SORCS3: variants seen among roughly 807,000 people sequenced by gnomAD.
SORCS3 encodes the protein VPS10 domain-containing receptor SorCS3.
Under a neutral mutation model 146.3 loss-of-function variants are expected in SORCS3, and 57 were observed. That is an observed-to-expected ratio of 0.39 (90% CI 0.31 to 0.49). The LOEUF (loss-of-function observed/expected upper bound fraction) is 0.49. Ranked by LOEUF, SORCS3 falls within the 20% of genes least tolerant of loss-of-function variation. SORCS3 has a pLI of 0.92. For synonymous variants in SORCS3, 653 were observed against 618.5 expected (o/e 1.06, Z -0.83); for missense variants, 1,341 against 1,575.5 (o/e 0.85, Z 2.52).
chr10:105,229,626 A>G (rs982466945), intron 20 of SORCS3, among the ~76,000 whole-genome samples: 1 of 152,178 alleles, frequency 6.6e-6, no homozygotes, highest in African/African-American at 2.4e-5. Context: ...CTTAAATAGA[A>G]TCAGTGGCAG....
chr10:105,227,982 AT>A, intron 20 of SORCS3, among the ~76,000 whole-genome samples: 1 of 99,892 alleles, frequency 1.0e-5, no homozygotes, highest in South Asian at 3.4e-4. Flanking sequence ...TATTGTGGTC[AT>A]TTTGTGTGTG....
At chr10:105,255,888 C>G (rs1456696216) in intron 24 of SORCS3, 87 bp downstream of exon 24, 1 of 1,092,056 alleles carries the variant, frequency 9.2e-7, no homozygotes, top group Non-Finnish European at 1.4e-6. Context: ...AACCCTGCTG[C>G]ATAATGTCTG....
At chr10:104,717,576 G>A (rs1437932746) in intron 1 of SORCS3, among the ~76,000 whole-genome samples, 4 of 151,978 alleles carry the variant, frequency 2.6e-5, no homozygotes, top group Non-Finnish European at 2.9e-5. Context: ...GTTTATGAGT[G>A]TCTTCTCCCT....
intron 11 of SORCS3, among the ~76,000 whole-genome samples, chr10:105,160,895 C>G (rs956582676): frequency 6.6e-6 from 1 of 152,102 alleles, no homozygotes; most frequent in East Asian, 1.9e-4. Flanking sequence ...TTTTTAAACT[C>G]TGAGCTTCAT....
intron 4 of SORCS3, among the ~76,000 whole-genome samples, chr10:105,038,442 T>C (rs1452301240): frequency 6.6e-6 from 1 of 152,204 alleles, no homozygotes; most frequent in East Asian, 1.9e-4. Context: ...CTTTATCTAA[T>C]TCCAGTTTCC....
At chr10:105,071,791 AC>A (rs1345093845) in intron 5 of SORCS3, among the ~76,000 whole-genome samples, 2 of 152,076 alleles carry the variant, frequency 1.3e-5, no homozygotes, top group African/African-American at 4.8e-5. Context: ...ATTTTTTTGT[AC>A]CCACAAAGCT....
intron 6 of SORCS3, among the ~76,000 whole-genome samples, chr10:105,102,508 A>G (rs2055792035): frequency 6.6e-6 from 1 of 152,166 alleles, no homozygotes; most frequent in African/African-American, 2.4e-5. Context: ...AAAGGGAGCA[A>G]CAGACACCAG....
chr10:104,962,425 G>A (rs1308829302), intron 3 of SORCS3, among the ~76,000 whole-genome samples: 1 of 152,172 alleles, frequency 6.6e-6, no homozygotes, highest in Non-Finnish European at 1.5e-5. Context: ...TTCCATATCA[G>A]AGCTGGGCTG....
intron 14 of SORCS3, among the ~76,000 whole-genome samples, chr10:105,187,417 T>G (rs2119584096): frequency 6.6e-6 from 1 of 152,216 alleles, no homozygotes. Flanking sequence ...CCTTTACCAC[T>G]AATCCCATCT....
At chr10:104,731,153 C>T (rs896614470) in intron 1 of SORCS3, among the ~76,000 whole-genome samples, 1 of 152,196 alleles carries the variant, frequency 6.6e-6, no homozygotes, top group African/African-American at 2.4e-5. Context: ...AGCCCGCATT[C>T]CCTTGCCTAG....
At chr10:104,671,715 T>C (rs1421422933) in intron 1 of SORCS3, among the ~76,000 whole-genome samples, 1 of 152,078 alleles carries the variant, frequency 6.6e-6, no homozygotes, top group Non-Finnish European at 1.5e-5. Context: ...AAATGCTTTT[T>C]CTGCATCAAC....
At chr10:104,744,676 C>T (rs2016887064) in intron 1 of SORCS3, among the ~76,000 whole-genome samples, 1 of 152,192 alleles carries the variant, frequency 6.6e-6, no homozygotes, top group Non-Finnish European at 1.5e-5. Flanking sequence ...TTTCCTCCCA[C>T]ACTGATGCTA....
intron 2 of SORCS3, among the ~76,000 whole-genome samples, chr10:104,848,715 A>G (rs2018236131): frequency 6.6e-6 from 1 of 152,180 alleles, no homozygotes; most frequent in East Asian, 1.9e-4. Context: ...AATCTGGTGG[A>G]AACTCCTGAA....
chr10:104,991,790 C>T (rs2054996154), intron 4 of SORCS3, among the ~76,000 whole-genome samples: 1 of 152,204 alleles, frequency 6.6e-6, no homozygotes, highest in South Asian at 2.1e-4. Flanking sequence ...TGAGCCACTG[C>T]ACCTGGCCGA....
chr10:105,252,110 C>G (rs2119752897), intron 22 of SORCS3, among the ~76,000 whole-genome samples: 1 of 151,972 alleles, frequency 6.6e-6, no homozygotes, highest in South Asian at 2.1e-4. Context: ...GTGTTTTTTC[C>G]TGCATATGGC....
At chr10:104,955,974 CCA>C (rs764849667) in intron 3 of SORCS3, among the ~76,000 whole-genome samples, 7 of 152,146 alleles carry the variant, frequency 4.6e-5, no homozygotes, top group Non-Finnish European at 8.8e-5. Flanking sequence ...GAGGAAGAAT[CCA>C]CAGAGCTTTC....
intron 20 of SORCS3, among the ~76,000 whole-genome samples, chr10:105,242,846 ATATATAAATTATATATATAT>A (rs2056842575): frequency 9.6e-6 from 1 of 104,020 alleles, no homozygotes; most frequent in Non-Finnish European, 1.7e-5. Context: ...ATATATTTTT[ATATATAAATTATATATATAT>A]TTTTATATAT....
intron 1 of SORCS3, among the ~76,000 whole-genome samples, chr10:104,730,807 G>C (rs375052776): frequency 2.6e-5 from 4 of 152,210 alleles, no homozygotes; most frequent in East Asian, 3.9e-4. Context: ...AAAACCACCA[G>C]ATCTCTTGAG....
chr10:105,248,486 G>A (rs939929386), intron 22 of SORCS3, among the ~76,000 whole-genome samples: 1 of 152,092 alleles, frequency 6.6e-6, no homozygotes, highest in Non-Finnish European at 1.5e-5. Flanking sequence ...GGCCGAGGCG[G>A]GTGTATCACC....
Sources: allele counts gnomAD v4.1 joint callset (sites outside exome capture counted in the v4.1 genomes callset), GRCh38; gene constraint gnomAD v4.1.1; transcripts MANE v1.5; gene names NCBI Gene and HGNC (gene_info 2026-07-23, HGNC 2026-07-21).